ZNF525: variants seen among roughly 807,000 people sequenced by gnomAD.
ZNF525 encodes zinc finger protein 525.
A neutral mutation model predicts 37.6 loss-of-function variants in ZNF525; 33 were observed. The ratio of observed to expected loss-of-function variants is 0.88; its 90% CI spans 0.67 to 1.17. The LOEUF (loss-of-function observed/expected upper bound fraction) is 1.17. Ranked by LOEUF, ZNF525 falls within the 50% of genes most tolerant of loss-of-function variation. The pLI is 0.00. For missense variants in ZNF525, 449 were observed against 543.1 expected (o/e 0.83, Z 1.72); for synonymous variants, 170 against 182.3 (o/e 0.93, Z 0.54).
chr19:53,375,970 G>A (rs772427459), intron 3 of ZNF525, 74 bp downstream of exon 3: 36 of 1,607,280 alleles, frequency 2.2e-5, no homozygotes, highest in South Asian at 3.3e-5. Flanking sequence ...TTTAGATAGA[G>A]TATCTCTCTC....
chr19:53,375,972 A>G, intron 3 of ZNF525, 76 bp downstream of exon 3: 1 of 1,606,126 alleles, frequency 6.2e-7, no homozygotes, highest in South Asian at 1.1e-5. Context: ...TAGATAGAGT[A>G]TCTCTCTCTC....
rs575903481 is a variant in ZNF525, at chr19:53,373,146, G to A, written c.15+850G>A. Among the ~76,000 whole-genome samples, 5 of 152,154 alleles carry A rather than the reference G, an allele frequency of 3.3e-5. No individual in the cohort carries two copies. The South Asian group carries it at 6.2e-4, about 19-fold the overall frequency. ...CTTTCTCTGTCACCCAGGCTGAAGT[G>A]CAGTGGCATGATCTTGGCTCATGGC... On this transcript the variant is annotated intron_variant, in intron 2 of 3. Transcript: ENST00000474037.
At chr19:53,372,165 G>C (rs1430284097) in intron 1 of ZNF525, 50 bp from the exon 2 acceptor site, 16 of 614,904 alleles carry the variant, frequency 2.6e-5, no homozygotes, top group Middle Eastern at 2.6e-4. Flanking sequence ...GTGTTACAGG[G>C]AGGGTGTGTG....
intron 3 of ZNF525, 109 bp from the exon 4 acceptor site, chr19:53,380,613 T>C (rs2085552340): frequency 1.5e-5 from 9 of 619,198 alleles, no homozygotes; most frequent in Non-Finnish European, 2.5e-5. Flanking sequence ...TCGCCCTTTA[T>C]TTATTAAAGA....
Position 53,370,531 on chromosome 19 carries a change from G to T in ZNF525, c.-67-1684G>T, listed in dbSNP as rs2085480579. Among the ~76,000 whole-genome samples, 4 of 152,002 alleles carry T rather than the reference G, an allele frequency of 2.6e-5. No homozygotes were observed. In the South Asian group the frequency reaches 8.3e-4, roughly 31 times the overall value. On this transcript the variant is annotated intron_variant, in intron 1 of 3. Transcript: ENST00000474037. ...GTGAGCCTCCCTGCAACTTGGAGAT[G>T]AGGGGCTAGACCAGAAAAGCTCAAC...
In ZNF525 at chr19:53,381,784, G is replaced by A. The variant is rs764611695; in HGVS notation, c.1205G>A (p.Arg402His). 2.4e-4 allele frequency: 250 copies of A among 1,042,524 alleles called. No homozygotes were observed. The highest frequency in any genetic ancestry group is 3.5e-4 in the Non-Finnish European group (231 of 658,886). 64.6% of individuals were successfully genotyped at this position (1,042,524 alleles called of 1,614,324 possible). The change falls in exon 4 of 4, where the codon CGT (arginine) becomes CAT (histidine). Residue 402 changes from arginine to histidine, a missense_variant. Arg to His is a conservative substitution (Grantham distance 29). Coordinates refer to ENST00000474037, the MANE Select transcript of ZNF525 (RefSeq NM_001348156.2). Reference sequence around the variant, plus strand: ...CATATGTCAACCCTTACATGCCATCGTAGACTTCATACTGGAGAGAAACCT... The same window carrying A: ...CATATGTCAACCCTTACATGCCATCATAGACTTCATACTGGAGAGAAACCT... ...FSHMSTLTCH[R>H]RLHTGEKPYK...
chr19:53,368,553 A>G (rs1017106323), intron 1 of ZNF525, among the ~76,000 whole-genome samples: 2 of 152,184 alleles, frequency 1.3e-5, no homozygotes, highest in Non-Finnish European at 2.9e-5. Flanking sequence ...GTGGTCTCCT[A>G]TGTTAGTCCT....
Position 53,367,124 on chromosome 19 carries a change from C to T in ZNF525, c.-68+1365C>T, listed in dbSNP as rs185000578. Among the ~76,000 whole-genome samples the T allele has an allele frequency of 1.2e-3, 183 of 151,826 alleles. 2 individuals carry two copies. Among genetic ancestry groups the T allele is most frequent in the East Asian group, 1.9e-3 (10 of 5,176 alleles). On this transcript the variant is annotated intron_variant, in intron 1 of 3. Coordinates refer to ENST00000474037, the MANE Select transcript of ZNF525 (RefSeq NM_001348156.2). Reference sequence around the variant, plus strand: ...AGAAAAACAAGAACAGCTAAATACACACGTTTGTCCTTTTTTTTTCCTTCA... The same window carrying T: ...AGAAAAACAAGAACAGCTAAATACATACGTTTGTCCTTTTTTTTTCCTTCA...
rs1322958967 is a variant in ZNF525 at position 53,386,220 on chromosome 19, T to G, written c.*4201T>G. On this transcript the variant is annotated 3_prime_UTR_variant, in exon 4 of 4. Transcript: ENST00000474037. ...TTTGCCATCGTGGTGTGTGCTTGAC[T>G]CTGCTTCTTGCCACATCTTCTCAGA... 3 of 641,118 alleles carry G rather than the reference T, an allele frequency of 4.7e-6. No individual in the cohort carries two copies. Among genetic ancestry groups the G allele is most frequent in the Non-Finnish European group, 8.9e-6 (3 of 338,904 alleles). The allele number at this position is 641,118 out of a possible 1,614,324, so 39.7% of individuals were successfully genotyped here.
intron 3 of ZNF525, chr19:53,376,332 G>A: frequency 5.7e-6 from 4 of 702,872 alleles, no homozygotes; most frequent in Non-Finnish European, 7.8e-6. Flanking sequence ...GGTTCCTGTT[G>A]ATTGAGTCAG....
Position 53,381,420 on chromosome 19 carries a change from A to G in ZNF525, c.841A>G (p.Ser281Gly), listed in dbSNP as rs2085562065. 3 of 1,567,910 alleles carry G rather than the reference A, an allele frequency of 1.9e-6. No homozygotes were observed. Among genetic ancestry groups the G allele is most frequent in the Non-Finnish European group, 2.6e-6 (3 of 1,138,150 alleles). ...YKCNECGKSF[S>G]QMSSLTYHHR... ...GTGTAATGAGTGTGGCAAGTCCTTC[A>G]GTCAGATGTCATCCCTTACATATCA... The change falls in exon 4 of 4, where the codon AGT becomes GGT. Residue 281 changes from serine (S) to glycine (G), a missense_variant. By Grantham distance (56) the Ser-to-Gly change is moderately conservative (BLOSUM62 0). Around this residue, in one of 2 missense-constraint regions of ZNF525, gnomAD observed 271 missense variants for 381.6 expected, o/e 0.71. Transcript: ENST00000474037.
rs770483445 is a variant in ZNF525, at chr19:53,380,848, T to C, written c.269T>C (p.Ile90Thr). The C allele has an allele frequency of 6.2e-6, 9 of 1,452,870 alleles. No homozygotes were observed. The highest frequency in any genetic ancestry group is 5.6e-5 in the African/African-American group (4 of 71,642). 90.0% of individuals were successfully genotyped at this position (1,452,870 alleles called of 1,614,324 possible). Residue 90 changes from isoleucine to threonine, a missense_variant, in exon 4 of 4, where the codon ATT becomes ACT. Transcript: ENST00000474037. ...HHIGDFSFQEIEKDIHNFEFQ... is the reference protein window; with the variant it reads ...HHIGDFSFQETEKDIHNFEFQ... ...ATTGGAGATTTTTCCTTCCAGGAAA[T>C]TGAGAAAGATATTCATAACTTTGAG...
At chr19:53,377,288 C>T (rs541207073) in intron 3 of ZNF525, among the ~76,000 whole-genome samples, 7 of 152,276 alleles carry the variant, frequency 4.6e-5, no homozygotes, top group African/African-American at 1.7e-4. Context: ...AGCAATTCTC[C>T]TGCCTCAGTT....
In ZNF525 at chr19:53,380,847, A is replaced by G. The variant is rs1246272825; in HGVS notation, c.268A>G (p.Ile90Val). 1 of 1,452,896 alleles carries G rather than the reference A, an allele frequency of 6.9e-7. No individual in the cohort carries two copies. Among genetic ancestry groups the G allele is most frequent in the Non-Finnish European group, 9.7e-7 (1 of 1,033,154 alleles). 90.0% of individuals were successfully genotyped at this position (1,452,896 alleles called of 1,614,324 possible). ...CATTGGAGATTTTTCCTTCCAGGAA[A>G]TTGAGAAAGATATTCATAACTTTGA... ...HHIGDFSFQEIEKDIHNFEFQ... is the reference protein window; with the variant it reads ...HHIGDFSFQEVEKDIHNFEFQ... Residue 90 changes from isoleucine (I) to valine (V), a missense_variant, in exon 4 of 4, where the codon ATT becomes GTT. Coordinates refer to ENST00000474037, the MANE Select transcript of ZNF525 (RefSeq NM_001348156.2).
rs756348958 is a variant in ZNF525, at chr19:53,380,928, A to G, written c.349A>G (p.Lys117Glu). ...NGHEAPMTKI[K>E]KLMGSTEQYD... ...CCATGAAGCACCCATGACAAAAATC[A>G]AAAAATTGATGGGTAGTACAGAGCA... The change falls in exon 4 of 4, where the codon AAA (lysine) becomes GAA (glutamate). Residue 117 changes from lysine (K) to glutamate (E), a missense_variant. By Grantham distance (56) the Lys-to-Glu change is moderately conservative (BLOSUM62 1). This residue lies in a region of ZNF525 where 271 missense variants were observed against 381.6 expected (regional missense o/e 0.71). Transcript: ENST00000474037. 5 of 1,537,108 alleles carry G rather than the reference A, an allele frequency of 3.3e-6. No individual in the cohort carries two copies. In the South Asian group the frequency reaches 5.6e-5, roughly 17 times the overall value.
intron 1 of ZNF525, among the ~76,000 whole-genome samples, chr19:53,366,101 C>A (rs987736650): frequency 7.9e-5 from 12 of 152,208 alleles, no homozygotes; most frequent in Non-Finnish European, 1.5e-4. Flanking sequence ...CCAGCCTCGC[C>A]CTCGTCGGCC....
intron 2 of ZNF525, 71 bp from the exon 3 acceptor site, chr19:53,375,696 TCTC>T (rs2085516592): frequency 3.1e-6 from 5 of 1,613,110 alleles, no homozygotes; most frequent in Admixed American, 1.7e-5. Flanking sequence ...CTTTCCCCTC[TCTC>T]CTCTTCTCAT....
chr19:53,382,661 T>G lies in ZNF525; in HGVS notation c.*642T>G. ...AGGGAAACTTTACAAATGTAATGAT[T>G]GTCACCACGTCTTCAGTAATGCTAC... is the stretch of plus-strand genomic sequence containing the variant. On this transcript the variant is annotated 3_prime_UTR_variant, in exon 4 of 4. Coordinates refer to ENST00000474037, the MANE Select transcript of ZNF525 (RefSeq NM_001348156.2). 2.8e-6 allele frequency: 2 copies of G among 721,382 alleles called. No homozygotes were observed. The highest frequency in any genetic ancestry group is 2.8e-5 in the South Asian group (2 of 72,470). The allele number at this position is 721,382 out of a possible 1,614,324, so 44.7% of individuals were successfully genotyped here. A position where few individuals can be genotyped will look rare whatever the true frequency, so the allele number is the denominator to read the frequency against.
chr19:53,367,579 C>G (rs145929108), intron 1 of ZNF525, among the ~76,000 whole-genome samples: 15 of 152,234 alleles, frequency 9.9e-5, no homozygotes, highest in African/African-American at 2.9e-4. Context: ...TAGAACTACT[C>G]CTATTAAGGT....
Sources: allele counts gnomAD v4.1 joint callset (sites outside exome capture counted in the v4.1 genomes callset), GRCh38; gene constraint gnomAD v4.1.1; regional missense constraint gnomAD v4.1.1; transcripts MANE v1.5; gene names NCBI Gene and HGNC (gene_info 2026-07-23, HGNC 2026-07-21).